FLG: variants seen among roughly 807,000 people sequenced by gnomAD.
FLG encodes the protein filaggrin, also known as epidermal filaggrin.
A neutral mutation model predicts 3.8 loss-of-function variants in FLG; 6 were observed. The observed-to-expected ratio is 1.60, with a 90% CI of 0.87 to 3.15. FLG has a LOEUF of 3.15. FLG is among the 30% of genes most tolerant of loss of function. The pLI, the probability that FLG is intolerant of heterozygous loss-of-function variation, is 0.00. For synonymous variants in FLG, 2,551 were observed against 1,931.6 expected, an observed-to-expected ratio of 1.32 and a Z score of -8.41; for missense variants, 7,595 against 5,050.9, an observed-to-expected ratio of 1.50 and a Z score of -15.27.
In FLG at chr1:152,303,560, G is replaced by A. The variant is rs1474724453; in HGVS notation, c.11326C>T (p.Gln3776Ter). The A allele has an allele frequency of 1.9e-6, 3 of 1,613,936 alleles. No homozygotes were observed. The highest frequency in any genetic ancestry group is 1.1e-5 in the South Asian group (1 of 91,072). Residue 3776 changes from glutamine (Q) to a stop codon, truncating the protein, a stop_gained, in exon 3 of 3, where the codon CAA becomes TAA. Coordinates refer to ENST00000368799, the MANE Select transcript of FLG (RefSeq NM_002016.2). LOFTEE classifies it low-confidence loss of function (END_TRUNC). The stretch of plus-strand genomic sequence containing the variant: ...GAGTGTCCAGACCTATCTACCGATT[G>A]CTCGTGGTAGGATCCCTGTCTTCCT... ...RGGRQGSYHE[Q>*]SVDRSGHSGS...
rs1652275260 is a variant in FLG, at chr1:152,309,956, C to T, written c.4930G>A (p.Gly1644Arg). The change falls in exon 3 of 3, where the codon GGG (glycine) becomes AGG (arginine). Residue 1644 changes from glycine to arginine, a missense_variant. Physicochemically the swap from Gly to Arg is moderately radical, Grantham distance 125. Transcript: ENST00000368799. ...TGTCTGGAGCTCTCTGCAGAGTGCC[C>T]ATGACTGGCTCTATCTTCTTGATGG... is the stretch of plus-strand genomic sequence containing the variant. Reference protein sequence around the residue: ...RSHQEDRASHGHSAESSRQSG... With the variant: ...RSHQEDRASHRHSAESSRQSG... 1 of 1,614,098 alleles carries T rather than the reference C, an allele frequency of 6.2e-7. No individual in the cohort carries two copies. Among genetic ancestry groups the T allele is most frequent in the Non-Finnish European group, 8.5e-7 (1 of 1,180,036 alleles).
At chr1:152,317,914 A>G (rs1344264408) in intron 1 of FLG, among the ~76,000 whole-genome samples, 1 of 151,976 alleles carries the variant, frequency 6.6e-6, no homozygotes, top group Non-Finnish European at 1.5e-5. Context: ...CAAGTCGTAA[A>G]CCTGAAAATT....
chr1:152,317,407 A>G (rs898411986), intron 1 of FLG, among the ~76,000 whole-genome samples: 1 of 152,002 alleles, frequency 6.6e-6, no homozygotes, highest in Admixed American at 6.6e-5. Flanking sequence ...AATGTATTAA[A>G]ACTCTCACCA....
rs1381346375 is a variant in FLG at position 152,314,144 on chromosome 1, CAGT to C, written c.739_741del (p.Thr247del). On this transcript the variant is annotated inframe_deletion, in exon 3 of 3. Transcript: ENST00000368799. Reference sequence around the variant, plus strand: ...ATTTTGTTTTCTTCTAATAGACTATCAGTGGTGTCATAGGCTTCATCCTGGATT... The same window carrying C: ...ATTTTGTTTTCTTCTAATAGACTATCGGTGTCATAGGCTTCATCCTGGATT... 1.2e-6 allele frequency: 2 copies of C among 1,614,168 alleles called. No homozygotes were observed. The highest frequency in any genetic ancestry group is 1.7e-6 in the Non-Finnish European group (2 of 1,179,994).
chr1:152,302,980 T>C lies in FLG; in HGVS notation c.11906A>G (p.Gln3969Arg), dbSNP rs1208763560. ...QSEGTERQKG[Q>R]SGLVWRHGSY... Reference sequence around the variant, plus strand: ...GCCATGTCTCCAAACTAAACCTGATTGACCTTTTTGCCTTTCAGTGCCCTC... The same window carrying C: ...GCCATGTCTCCAAACTAAACCTGATCGACCTTTTTGCCTTTCAGTGCCCTC... The change falls in exon 3 of 3, where the codon CAA becomes CGA. Residue 3969 changes from glutamine (Q) to arginine (R), a missense_variant. Coordinates refer to ENST00000368799, the MANE Select transcript of FLG (RefSeq NM_002016.2). 1 of 1,614,198 alleles carries C rather than the reference T, an allele frequency of 6.2e-7. No individual in the cohort carries two copies. Among genetic ancestry groups the C allele is most frequent in the South Asian group, 1.1e-5 (1 of 91,078 alleles).
Position 152,310,774 on chromosome 1 carries a change from G to A in FLG, c.4112C>T (p.Ser1371Leu), listed in dbSNP as rs1004761549. 1 of 1,613,912 alleles carries A rather than the reference G, an allele frequency of 6.2e-7. No individual in the cohort carries two copies. Among genetic ancestry groups the A allele is most frequent in the African/African-American group, 1.3e-5 (1 of 74,874 alleles). The change falls in exon 3 of 3, where the codon TCA becomes TTA. Residue 1371 changes from serine to leucine, a missense_variant. Coordinates refer to ENST00000368799, the MANE Select transcript of FLG (RefSeq NM_002016.2). ...TGAAGCTTGTCTGTGCCCAATGCCTGAGTGTCTGGAGCTGTCTGCTGACTG... is the reference window on the plus strand; with the variant it reads ...TGAAGCTTGTCTGTGCCCAATGCCTAAGTGTCTGGAGCTGTCTGCTGACTG... ...HQQSADSSRH[S>L]GIGHRQASSA...
In FLG at chr1:152,311,631, T is replaced by G. The variant is rs1226908922; in HGVS notation, c.3255A>C (p.Ser1085=). 1.2e-6 allele frequency: 2 copies of G among 1,614,014 alleles called. No individual in the cohort carries two copies. Among genetic ancestry groups the G allele is most frequent in the Non-Finnish European group, 1.7e-6 (2 of 1,180,030 alleles). The change falls in exon 3 of 3, where the codon TCA becomes TCC. Residue 1085 remains serine (S), a synonymous_variant. Transcript: ENST00000368799. ...EGHSEESDTQ[S]VSGHGQDGPH... The stretch of plus-strand genomic sequence containing the variant: ...GCCCATCCTGTCCATGGCCTGACAC[T>G]GACTGTGTGTCTGACTCCTCTGAAT...
rs760688738 is a variant in FLG, at chr1:152,309,947, C to T, written c.4939G>A (p.Ala1647Thr). 5.6e-6 allele frequency: 9 copies of T among 1,614,010 alleles called. No homozygotes were observed. The highest frequency in any genetic ancestry group is 8.5e-7 in the Non-Finnish European group (1 of 1,180,028). Residue 1647 changes from alanine to threonine, a missense_variant, in exon 3 of 3, where the codon GCA becomes ACA. Physicochemically the swap from Ala to Thr is moderately conservative, Grantham distance 58. Transcript: ENST00000368799. ...GTGCCTGATTGTCTGGAGCTCTCTG[C>T]AGAGTGCCCATGACTGGCTCTATCT... ...QEDRASHGHS[A>T]ESSRQSGTRH... is the part of the protein sequence containing the mutation.
At position 152,311,561 on chromosome 1, in the gene FLG, C is replaced by T. The variant is rs766178798; in HGVS notation, c.3325G>A (p.Gly1109Arg). The change falls in exon 3 of 3, where the codon GGA becomes AGA. Residue 1109 changes from glycine to arginine, a missense_variant. Coordinates refer to ENST00000368799, the MANE Select transcript of FLG (RefSeq NM_002016.2). ...HQESARDWSG[G>R]RSGRSGSFIY... ...AAAGACCCTGAACGTCCAGACCTTC[C>T]CCCTGACCAGTCACGTGCGGACTCT... 1.9e-6 allele frequency: 3 copies of T among 1,613,958 alleles called. No individual in the cohort carries two copies. The highest frequency in any genetic ancestry group is 2.5e-6 in the Non-Finnish European group (3 of 1,180,006).
chr1:152,324,760 G>C (rs1653095554), intron 1 of FLG, among the ~76,000 whole-genome samples: 1 of 151,594 alleles, frequency 6.6e-6, no homozygotes, highest in African/African-American at 2.4e-5. Flanking sequence ...CCAAAAGACG[G>C]GACACCCCTG....
rs145293182 is a variant in FLG, at chr1:152,304,895, T to C, written c.9991A>G (p.Arg3331Gly). ...TGACTACCACTGGACCCCCAGTGTCTACTGTCTCTGACTGCAGATGAAGCT... is the reference window on the plus strand; with the variant it reads ...TGACTACCACTGGACCCCCAGTGTCCACTGTCTCTGACTGCAGATGAAGCT... The part of the protein sequence containing the change: ...GQASSAVRDS[R>G]HWGSSGSQAS... Residue 3331 changes from arginine to glycine, a missense_variant, in exon 3 of 3, where the codon AGA becomes GGA. Arg to Gly is a moderately radical substitution (Grantham distance 125). Transcript: ENST00000368799. 370 of 1,613,542 alleles carry C rather than the reference T, an allele frequency of 2.3e-4. 1 individual carries two copies. Among genetic ancestry groups the C allele is most frequent in the African/African-American group, 8.0e-5 (6 of 74,976 alleles).
In FLG at chr1:152,305,321, C is replaced by A. The variant is rs142839051; in HGVS notation, c.9565G>T (p.Ala3189Ser). 1.4e-4 allele frequency: 222 copies of A among 1,610,378 alleles called. 4 individuals are homozygous for A. In the South Asian group the frequency reaches 2.2e-3, roughly 16 times the overall value. The change falls in exon 3 of 3, where the codon GCC becomes TCC. Residue 3189 changes from alanine to serine, a missense_variant. Coordinates refer to ENST00000368799, the MANE Select transcript of FLG (RefSeq NM_002016.2). Reference sequence around the variant, plus strand: ...GCCTGTGAGTGTCTAGAGATGTCGGCATGAGTGGAAGCTTCATGGTGACGT... The same window carrying A: ...GCCTGTGAGTGTCTAGAGATGTCGGAATGAGTGGAAGCTTCATGGTGACGT... ...VSRHHEASTH[A>S]DISRHSQAVQ... is the part of the protein sequence containing the mutation.
chr1:152,316,123 A>C (rs1652780596), intron 1 of FLG, among the ~76,000 whole-genome samples: 1 of 152,192 alleles, frequency 6.6e-6, no homozygotes, highest in Admixed American at 6.5e-5. Flanking sequence ...AAGCATGTCA[A>C]TAAATCTAAG....
chr1:152,309,083 A>C lies in FLG; in HGVS notation c.5803T>G (p.Ser1935Ala). The C allele has an allele frequency of 6.2e-7, 1 of 1,614,054 alleles. No individual in the cohort carries two copies. The highest frequency in any genetic ancestry group is 1.1e-5 in the South Asian group (1 of 91,078). The change falls in exon 3 of 3, where the codon TCT (serine) becomes GCT (alanine). Residue 1935 changes from serine to alanine, a missense_variant. By Grantham distance (99) the Ser-to-Ala change is moderately conservative. Coordinates refer to ENST00000368799, the MANE Select transcript of FLG (RefSeq NM_002016.2). ...QGHSEDSERW[S>A]GSASRNHLGS... ...AGATGGTTTCTGGAAGCAGACCCAG[A>C]CCACCTCTCAGAGTCTTCTGAGTGT...
chr1:152,317,306 T>G (rs925537473), intron 1 of FLG, among the ~76,000 whole-genome samples: 1 of 152,106 alleles, frequency 6.6e-6, no homozygotes, highest in East Asian at 1.9e-4. Context: ...TTCCCTTTTA[T>G]AGCAAAATTC....
rs749515355 is a variant in FLG, at chr1:152,308,983, C to T, written c.5903G>A (p.Gly1968Glu). 1.2e-6 allele frequency: 2 copies of T among 1,614,120 alleles called. No individual in the cohort carries two copies. The highest frequency in any genetic ancestry group is 1.7e-6 in the Non-Finnish European group (2 of 1,179,990). Reference sequence around the variant, plus strand: ...TTGTCTGGAGCTGTCTGCAGAGTGCCCGTGACCGGCTCTGTCTTCGTGATG... The same window carrying T: ...TTGTCTGGAGCTGTCTGCAGAGTGCTCGTGACCGGCTCTGTCTTCGTGATG... ...GSHHEDRAGHGHSADSSRQSG... is the reference protein window; with the variant it reads ...GSHHEDRAGHEHSADSSRQSG... The change falls in exon 3 of 3, where the codon GGG becomes GAG. Residue 1968 changes from glycine (G) to glutamate (E), a missense_variant. By Grantham distance (98) the Gly-to-Glu change is moderately conservative (BLOSUM62 -2). Transcript: ENST00000368799.
At position 152,313,405 on chromosome 1, in the gene FLG, C is replaced by T. The variant is rs767951528; in HGVS notation, c.1481G>A (p.Gly494Glu). 1.1e-5 allele frequency: 18 copies of T among 1,613,672 alleles called. No homozygotes were observed. Among genetic ancestry groups the T allele is most frequent in the African/African-American group, 2.7e-5 (2 of 74,788 alleles). The change falls in exon 3 of 3, where the codon GGA (glycine) becomes GAA (glutamate). Residue 494 changes from glycine to glutamate, a missense_variant. Transcript: ENST00000368799. ...GTCTCGTGCCTGCTCGTGGTGCGAT[C>T]CTTGTCTTCCTCCAGTGCTGGTCCC... ...RTGTSTGGRQ[G>E]SHHEQARDSS... is the part of the protein sequence containing the mutation.
chr1:152,311,606 G>C lies in FLG; in HGVS notation c.3280C>G (p.Pro1094Ala). 1 of 1,614,030 alleles carries C rather than the reference G, an allele frequency of 6.2e-7. No homozygotes were observed. Residue 1094 changes from proline (P) to alanine (A), a missense_variant, in exon 3 of 3, where the codon CCC becomes GCC. Pro to Ala is a conservative substitution (Grantham distance 27). Transcript: ENST00000368799. Reference sequence around the variant, plus strand: ...GACTCTTGGTGGCTCTGCTGATGGGGCCCATCCTGTCCATGGCCTGACACT... The same window carrying C: ...GACTCTTGGTGGCTCTGCTGATGGGCCCCATCCTGTCCATGGCCTGACACT... ...QSVSGHGQDG[P>A]HQQSHQESAR... is the part of the protein sequence containing the mutation.
At chr1:152,324,132 T>G (rs1218442954) in intron 1 of FLG, among the ~76,000 whole-genome samples, 1 of 151,834 alleles carries the variant, frequency 6.6e-6, no homozygotes, top group African/African-American at 2.4e-5. Context: ...ATTTCTATTA[T>G]TTCCATCATC....
Sources: gnomAD v4.1 joint callset for allele counts (sites outside exome capture counted in the v4.1 genomes callset) on GRCh38, gnomAD v4.1.1 for gene constraint, MANE v1.5 for transcripts, NCBI Gene and HGNC (gene_info 2026-07-23, HGNC 2026-07-21) for gene names.